FBXL17: variants seen among roughly 807,000 people sequenced by gnomAD.
The protein encoded by FBXL17 is F-box and leucine rich repeat protein 17, also known as F-box/LRR-repeat protein 17.
A neutral mutation model predicts 66.2 loss-of-function variants in FBXL17; 22 were observed. The ratio of observed to expected loss-of-function variants is 0.33; its 90% CI spans 0.24 to 0.47. The LOEUF (loss-of-function observed/expected upper bound fraction) is 0.47, where lower values mean the gene tolerates loss of function less well. Ranked by LOEUF, FBXL17 falls within the 20% of genes least tolerant of loss-of-function variation. The pLI, the probability that FBXL17 is intolerant of heterozygous loss-of-function variation, is 1.00. For synonymous variants in FBXL17, 474 were observed against 400.5 expected, an observed-to-expected ratio of 1.18 and a Z score of -2.19; for missense variants, 878 against 948.2, an observed-to-expected ratio of 0.93 and a Z score of 0.97.
chr5:108,364,711 A>G (rs775538364), intron 3 of FBXL17, 27 bp downstream of exon 3: 2 of 1,557,584 alleles, frequency 1.3e-6, no homozygotes, highest in Non-Finnish European at 1.7e-6. Flanking sequence ...ATTCAAGTAA[A>G]ATCACTTTAT....
chr5:107,983,311 C>A (rs371614626), intron 7 of FBXL17, among the ~76,000 whole-genome samples: 1 of 152,002 alleles, frequency 6.6e-6, no homozygotes, highest in Non-Finnish European at 1.5e-5. Flanking sequence ...CCTGCCTTGG[C>A]GTCCTGAGTA....
intron 6 of FBXL17, among the ~76,000 whole-genome samples, chr5:108,085,447 C>T (rs1038712880): frequency 6.6e-6 from 1 of 152,200 alleles, no homozygotes; most frequent in Non-Finnish European, 1.5e-5. Context: ...AAAGTTGACT[C>T]CACTGGTGGC....
At chr5:107,959,230 G>A (rs1580249945) in intron 7 of FBXL17, among the ~76,000 whole-genome samples, 1 of 152,044 alleles carries the variant, frequency 6.6e-6, no homozygotes, top group Admixed American at 6.6e-5. Flanking sequence ...CAGAGCCCTG[G>A]GTCTAGCAGG....
intron 4 of FBXL17, among the ~76,000 whole-genome samples, chr5:108,237,953 C>T (rs7709699): frequency 0.057 from 8,628 of 152,224 alleles, 829 homozygotes; most frequent in African/African-American, 0.2. Flanking sequence ...AAAAATGGAA[C>T]GCAAGAAAAT....
chr5:107,932,079 T>C (rs908233597), intron 7 of FBXL17, among the ~76,000 whole-genome samples: 3 of 152,178 alleles, frequency 2.0e-5, no homozygotes, highest in Non-Finnish European at 4.4e-5. Context: ...TGGATGTTGG[T>C]AGAAAGAGGC....
At chr5:108,132,197 A>G (rs1750963291) in intron 6 of FBXL17, among the ~76,000 whole-genome samples, 1 of 152,106 alleles carries the variant, frequency 6.6e-6, no homozygotes, top group Non-Finnish European at 1.5e-5. Context: ...GCTGGTCTCA[A>G]ACTCCCGACC....
At chr5:107,894,162 T>A (rs909671231) in intron 7 of FBXL17, among the ~76,000 whole-genome samples, 5 of 152,162 alleles carry the variant, frequency 3.3e-5, no homozygotes, top group Non-Finnish European at 7.3e-5. Flanking sequence ...GGAGAACATT[T>A]CTTGGGTTGA....
chr5:108,045,276 C>CA (rs988378367), intron 6 of FBXL17, among the ~76,000 whole-genome samples: 2 of 151,726 alleles, frequency 1.3e-5, no homozygotes, highest in African/African-American at 4.8e-5. Context: ...CCTGTCGCTA[C>CA]AAAAAAATAC....
At chr5:108,307,664 G>C (rs1758913041) in intron 4 of FBXL17, among the ~76,000 whole-genome samples, 1 of 151,880 alleles carries the variant, frequency 6.6e-6, no homozygotes, top group Admixed American at 6.6e-5. Context: ...CATATATATT[G>C]CTATTACTGA....
chr5:108,343,939 G>A (rs145891295), intron 4 of FBXL17, among the ~76,000 whole-genome samples: 117 of 152,230 alleles, frequency 7.7e-4, no homozygotes, highest in African/African-American at 2.7e-3. Context: ...TGTGTTTTGT[G>A]GCAATGAAAC....
chr5:108,319,406 T>C (rs1580808756), intron 4 of FBXL17, among the ~76,000 whole-genome samples: 1 of 151,838 alleles, frequency 6.6e-6, no homozygotes, highest in Non-Finnish European at 1.5e-5. Context: ...GTAACTATCA[T>C]TAGGGAGAGG....
chr5:107,876,160 T>C (rs1254214280), intron 8 of FBXL17, among the ~76,000 whole-genome samples: 1 of 152,206 alleles, frequency 6.6e-6, no homozygotes, highest in African/African-American at 2.4e-5. Context: ...CTCCGGGCCA[T>C]GGCAGAGGCG....
intron 7 of FBXL17, among the ~76,000 whole-genome samples, chr5:108,016,831 G>A (rs1466037836): frequency 2.0e-5 from 3 of 151,202 alleles, no homozygotes; most frequent in Non-Finnish European, 4.4e-5. Context: ...CCAGGCTGGA[G>A]GGCAATGGCA....
chr5:108,104,788 G>A (rs1749728436), intron 6 of FBXL17, among the ~76,000 whole-genome samples: 1 of 152,186 alleles, frequency 6.6e-6, no homozygotes, highest in African/African-American at 2.4e-5. Context: ...TTAAAAGACT[G>A]GAAGGTTACA....
At chr5:107,915,862 A>G (rs951040430) in intron 7 of FBXL17, among the ~76,000 whole-genome samples, 6 of 152,146 alleles carry the variant, frequency 3.9e-5, no homozygotes, top group Non-Finnish European at 8.8e-5. Flanking sequence ...GCTGACATCT[A>G]TTGGTTCAAA....
At chr5:108,057,210 C>T (rs1051667108) in intron 6 of FBXL17, among the ~76,000 whole-genome samples, 7 of 151,946 alleles carry the variant, frequency 4.6e-5, no homozygotes, top group South Asian at 2.1e-4. Flanking sequence ...CAAAAAAATG[C>T]CTTAAATTTT....
intron 6 of FBXL17, among the ~76,000 whole-genome samples, chr5:108,083,250 C>CACACACACACAG (rs369652150): frequency 0.011 from 1,553 of 145,624 alleles, 20 homozygotes; most frequent in Middle Eastern, 0.043. Context: ...CACACACACA[C>CACACACACACAG]AGAGAGAGAG....
chr5:108,109,653 T>C (rs1749953475), intron 6 of FBXL17, among the ~76,000 whole-genome samples: 1 of 152,164 alleles, frequency 6.6e-6, no homozygotes, highest in African/African-American at 2.4e-5. Context: ...ATGAACCTAG[T>C]AAGGGATAAG....
At chr5:107,974,297 C>T (rs1580270808) in intron 7 of FBXL17, among the ~76,000 whole-genome samples, 1 of 151,980 alleles carries the variant, frequency 6.6e-6, no homozygotes, top group Admixed American at 6.6e-5. Flanking sequence ...GAGAGGAAAA[C>T]ACTAGTAAAA....
Sources: gnomAD v4.1 joint callset for allele counts (sites outside exome capture counted in the v4.1 genomes callset) on GRCh38, gnomAD v4.1.1 for gene constraint, MANE v1.5 for transcripts, NCBI Gene and HGNC (gene_info 2026-07-23, HGNC 2026-07-21) for gene names.